Variants in ERGIC1 observed in about 807,000 individuals in gnomAD.
ERGIC1 encodes the protein endoplasmic reticulum-Golgi intermediate compartment protein 1.
A neutral mutation model predicts 38.3 loss-of-function variants in ERGIC1; 19 were observed. The observed-to-expected ratio is 0.50, with a 90% CI of 0.35 to 0.73. ERGIC1 has a LOEUF of 0.73. Among genes scored for constraint, ERGIC1 ranks in the 30% least tolerant of loss-of-function variants. The pLI is 0.01. For synonymous variants in ERGIC1, 124 were observed against 157.6 expected, an observed-to-expected ratio of 0.79 and a Z score of 1.60; for missense variants, 294 against 389.2, an observed-to-expected ratio of 0.76 and a Z score of 2.06.
intron 6 of ERGIC1, among the ~76,000 whole-genome samples, chr5:172,925,687 T>C (rs1171562094): frequency 1.3e-5 from 2 of 152,194 alleles, no homozygotes; most frequent in Non-Finnish European, 2.9e-5. Flanking sequence ...CCTTTGTACA[T>C]GCTGCTTGCC....
intron 1 of ERGIC1, among the ~76,000 whole-genome samples, chr5:172,844,251 A>C (rs1244290612): frequency 1.3e-5 from 2 of 152,214 alleles, no homozygotes; most frequent in South Asian, 4.1e-4. Flanking sequence ...CAAGTACCTC[A>C]GTCGGTGATT....
intron 5 of ERGIC1, chr5:172,915,561 C>A (rs974997314): frequency 4.2e-6 from 2 of 470,990 alleles, no homozygotes; most frequent in Admixed American, 2.3e-5. Context: ...GAACGCAGTG[C>A]CCTTGGGAGG....
chr5:172,861,904 A>C (rs11743007), intron 1 of ERGIC1, among the ~76,000 whole-genome samples: 134,597 of 152,206 alleles, frequency 0.88, 60,698 homozygotes, highest in East Asian at 1. Context: ...ACGTAGAAAG[A>C]CATAGTTTAC....
intron 4 of ERGIC1, among the ~76,000 whole-genome samples, chr5:172,910,242 T>C (rs561923462): frequency 6.6e-6 from 1 of 152,308 alleles, no homozygotes; most frequent in Non-Finnish European, 1.5e-5. Flanking sequence ...TTATTATCCA[T>C]GTCATTGGGT....
chr5:172,916,579 G>C lies in ERGIC1; in HGVS notation c.375+1741G>C, dbSNP rs188756497. 1.1e-4 allele frequency: 17 copies of C among 152,338 alleles called. No homozygotes were observed. In the East Asian group the frequency reaches 3.3e-3, roughly 29 times the overall value. 9.4% of individuals were successfully genotyped at this position (152,338 alleles called of 1,614,324 possible). ...CTCATTCTCATCAACCACATTTCAAGTGCTCAAAGCCACGTGCTGGCTAGG... is the reference window on the plus strand; with the variant it reads ...CTCATTCTCATCAACCACATTTCAACTGCTCAAAGCCACGTGCTGGCTAGG... On this transcript the variant is annotated intron_variant, in intron 5 of 9. Transcript: ENST00000393784.
At chr5:172,919,851 C>G (rs1272785615) in intron 5 of ERGIC1, among the ~76,000 whole-genome samples, 1 of 152,166 alleles carries the variant, frequency 6.6e-6, no homozygotes, top group African/African-American at 2.4e-5. Context: ...AGGGGAGTGC[C>G]AGGGAGTCTT....
chr5:172,950,847 TG>T lies in ERGIC1; in HGVS notation c.*34del. The T allele has an allele frequency of 6.3e-7, 1 of 1,578,124 alleles. No individual in the cohort carries two copies. Among genetic ancestry groups the T allele is most frequent in the East Asian group, 2.3e-5 (1 of 43,824 alleles). ...CACCCAGCCTAATGGCCGAGGACCCTGGGCATCGCCAGCCTTGCCTCCAGTG... is the reference window on the plus strand; with the variant it reads ...CACCCAGCCTAATGGCCGAGGACCCTGGCATCGCCAGCCTTGCCTCCAGTG... On this transcript the variant is annotated 3_prime_UTR_variant, in exon 10 of 10. Transcript: ENST00000393784.
At chr5:172,906,865 G>A (rs770130636) in intron 3 of ERGIC1, among the ~76,000 whole-genome samples, 10 of 152,100 alleles carry the variant, frequency 6.6e-5, no homozygotes, top group South Asian at 2.1e-4. Flanking sequence ...AATCAGATGC[G>A]GCCATCAGAC....
chr5:172,885,582 C>T (rs1210491059), intron 1 of ERGIC1, among the ~76,000 whole-genome samples: 1 of 152,134 alleles, frequency 6.6e-6, no homozygotes, highest in Non-Finnish European at 1.5e-5. Context: ...ACTTTTAGAT[C>T]CCCTGTGCAC....
chr5:172,867,299 C>A, intron 1 of ERGIC1: 1 of 417,834 alleles, frequency 2.4e-6, no homozygotes, highest in Non-Finnish European at 4.9e-6. Context: ...GTGGACCTCC[C>A]AGGTGGGCAG....
At position 172,888,816 on chromosome 5, in the gene ERGIC1, C is replaced by T. The variant is rs1445763839; in HGVS notation, c.82+56C>T. 4 of 1,458,666 alleles carry T rather than the reference C, an allele frequency of 2.7e-6. No homozygotes were observed. The African/African-American group carries it at 5.6e-5, about 20-fold the overall frequency. The allele number at this position is 1,458,666 out of a possible 1,614,324, so 90.4% of individuals were successfully genotyped here. On this transcript the variant is annotated intron_variant, in intron 2 of 9. Coordinates refer to ENST00000393784, the MANE Select transcript of ERGIC1 (RefSeq NM_001031711.3). ...GCCCCATCTCCACTGCCTGTGCCTG[C>T]TCTCTCTGTGCAGATCATCTGGGCC...
chr5:172,846,333 G>T lies in ERGIC1; in HGVS notation c.20+11900G>T, dbSNP rs1036400433. On this transcript the variant is annotated intron_variant, in intron 1 of 9. Coordinates refer to ENST00000393784, the MANE Select transcript of ERGIC1 (RefSeq NM_001031711.3). This position sits in a 1 kb window ranked among gnomAD's most constrained non-coding sequence, Gnocchi z 4.0. ...TCTTTCTGCGCTGTCTGTGCAGGAC[G>T]CCCAGCACTGGGCACTTTGAGTCAC... is the stretch of plus-strand genomic sequence containing the variant. 1.3e-5 allele frequency among the ~76,000 whole-genome samples: 2 copies of T among 152,152 alleles called. No homozygotes were observed. Among genetic ancestry groups the T allele is most frequent in the Admixed American group, 1.3e-4 (2 of 15,266 alleles).
rs895186093 is a variant in ERGIC1, at chr5:172,909,094, G to T, written c.156-573G>T. On this transcript the variant is annotated intron_variant, in intron 3 of 9. Transcript: ENST00000393784. ...AGAACCAGAATTTGAACTTGAATCT[G>T]TCTGAAAGATATGCTCTTACCACCG... Among the ~76,000 whole-genome samples the T allele has an allele frequency of 8.6e-5, 13 of 150,604 alleles. 1 individual carries two copies. The South Asian group carries it at 2.7e-3, about 31-fold the overall frequency.
intron 3 of ERGIC1, among the ~76,000 whole-genome samples, chr5:172,901,268 T>TTGGG (rs1762868961): frequency 1.3e-5 from 2 of 152,248 alleles, no homozygotes; most frequent in South Asian, 4.1e-4. Context: ...GCACATTTGT[T>TTGGG]TGGGTGGTTG....
At chr5:172,903,828 C>T (rs572802034) in intron 3 of ERGIC1, among the ~76,000 whole-genome samples, 3 of 151,906 alleles carry the variant, frequency 2.0e-5, no homozygotes, top group South Asian at 2.1e-4. Flanking sequence ...AGCCAGGATT[C>T]GAACCCTGGT....
Position 172,911,943 on chromosome 5 carries a change from C to T in ERGIC1, c.250+2182C>T, listed in dbSNP as rs541839273. Reference sequence around the variant, plus strand: ...CACCTCTGCTAGCAGGTGGGGCCCCCGTTCCCTACCCCTACATGTGTGTGC... The same window carrying T: ...CACCTCTGCTAGCAGGTGGGGCCCCTGTTCCCTACCCCTACATGTGTGTGC... On this transcript the variant is annotated intron_variant, in intron 4 of 9. Transcript: ENST00000393784. 5.9e-5 allele frequency among the ~76,000 whole-genome samples: 9 copies of T among 152,224 alleles called. No homozygotes were observed. In the East Asian group the frequency reaches 1.5e-3, roughly 26 times the overall value.
rs768564272 is a variant in ERGIC1, at chr5:172,834,376, G to T, written c.-38G>T. On this transcript the variant is annotated 5_prime_UTR_variant, in exon 1 of 10. Coordinates refer to ENST00000393784, the MANE Select transcript of ERGIC1 (RefSeq NM_001031711.3). This position sits in a 1 kb window ranked among gnomAD's most constrained non-coding sequence, Gnocchi z 4.1. Reference sequence around the variant, plus strand: ...TCGGACCCACGCGGCGCCGCGGCCCGCCTGGCCTGCAGCGCTCCCACCCCC... The same window carrying T: ...TCGGACCCACGCGGCGCCGCGGCCCTCCTGGCCTGCAGCGCTCCCACCCCC... The T allele has an allele frequency of 6.7e-5, 86 of 1,283,814 alleles. No individual in the cohort carries two copies. The East Asian group carries it at 2.1e-3, about 32-fold the overall frequency. The allele number at this position is 1,283,814 out of a possible 1,614,324, so 79.5% of individuals were successfully genotyped here.
rs1399314338 is a variant in ERGIC1, at chr5:172,907,179, A to G, written c.156-2488A>G. On this transcript the variant is annotated intron_variant, in intron 3 of 9. Coordinates refer to ENST00000393784, the MANE Select transcript of ERGIC1 (RefSeq NM_001031711.3). ...CTGCCTGGTCTCCCTCTTGCACAGC[A>G]GCCCCTCCAGTGGGTCTTCCTTGCA... Among the ~76,000 whole-genome samples, 4 of 152,134 alleles carry G rather than the reference A, an allele frequency of 2.6e-5. No individual in the cohort carries two copies. In the East Asian group the frequency reaches 7.7e-4, roughly 29 times the overall value.
At chr5:172,890,611 CAG>C (rs536465432) in intron 2 of ERGIC1, among the ~76,000 whole-genome samples, 35 of 152,208 alleles carry the variant, frequency 2.3e-4, no homozygotes, top group South Asian at 8.3e-4. Context: ...ACCTTGCAAA[CAG>C]GGGATGCTTT....
Sources: gnomAD v4.1 joint callset for allele counts (sites outside exome capture counted in the v4.1 genomes callset) on GRCh38, gnomAD v4.1.1 for gene constraint, Gnocchi (gnomAD v3.1) non-coding constraint, MANE v1.5 for transcripts, NCBI Gene and HGNC (gene_info 2026-07-23, HGNC 2026-07-21) for gene names.